Variants in ARHGAP39 observed in about 807,000 individuals in gnomAD.
The protein encoded by ARHGAP39 is rho GTPase-activating protein 39.
In ARHGAP39, 44 loss-of-function variants were observed where a neutral mutation model predicts 106.9. That is an observed-to-expected ratio of 0.41 (90% CI 0.32 to 0.53). The LOEUF is 0.53. ARHGAP39 is among the 20% of genes least tolerant of loss of function. ARHGAP39 has a pLI of 0.21. For missense variants in ARHGAP39, 1,496 were observed against 1,577.3 expected, an observed-to-expected ratio of 0.95 and a Z score of 0.87; for synonymous variants, 768 against 693.2, an observed-to-expected ratio of 1.11 and a Z score of -1.69.
intron 1 of ARHGAP39, among the ~76,000 whole-genome samples, chr8:144,612,678 C>T (rs1368243831): frequency 6.0e-5 from 4 of 67,220 alleles, no homozygotes; most frequent in Non-Finnish European, 2.9e-5. Flanking sequence ...CGCTGCACTC[C>T]AGCCAGGGCG....
intron 3 of ARHGAP39, 52 bp from the exon 4 acceptor site, chr8:144,555,695 A>G (rs1306062654): frequency 1.3e-6 from 2 of 1,497,006 alleles, no homozygotes; most frequent in Admixed American, 1.7e-5. Flanking sequence ...ATCGTTTACC[A>G]TAACCAGCCA....
intron 3 of ARHGAP39, among the ~76,000 whole-genome samples, chr8:144,580,348 G>A (rs944827890): frequency 6.6e-6 from 1 of 152,200 alleles, no homozygotes; most frequent in Non-Finnish European, 1.5e-5. Context: ...TCAGCAGAGA[G>A]AGCTGGGCGA....
chr8:144,630,847 G>A (rs1821042100), intron 1 of ARHGAP39, among the ~76,000 whole-genome samples: 1 of 152,262 alleles, frequency 6.6e-6, no homozygotes, highest in South Asian at 2.1e-4. Flanking sequence ...GTAAGTTTCT[G>A]TTGTCTATAA....
At chr8:144,675,419 A>T (rs1016843503) in intron 1 of ARHGAP39, among the ~76,000 whole-genome samples, 1 of 152,134 alleles carries the variant, frequency 6.6e-6, no homozygotes, top group Non-Finnish European at 1.5e-5. Flanking sequence ...ACAGCTCTTA[A>T]AGATGGTGTG....
rs957662857 is a variant in ARHGAP39 at position 144,644,293 on chromosome 8, CAAAAG to C, written c.-81-38603_-81-38599del. On this transcript the variant is annotated intron_variant, in intron 1 of 11. Coordinates refer to ENST00000377307, the MANE Select transcript of ARHGAP39 (RefSeq NM_025251.3). The surrounding 1 kb of genome is among the most constrained non-coding windows in gnomAD (Gnocchi z 4.8). ...ACCCTGGAGAAAGTGTTTTAAAAAA[CAAAAG>C]AAAGCAGGCAACAAAGTCAGACACA... 3.9e-5 allele frequency among the ~76,000 whole-genome samples: 6 copies of C among 152,134 alleles called. No individual in the cohort carries two copies. Among genetic ancestry groups the C allele is most frequent in the African/African-American group, 1.2e-4 (5 of 41,410 alleles).
At chr8:144,583,650 T>G (rs750442297) in intron 2 of ARHGAP39, among the ~76,000 whole-genome samples, 14 of 152,258 alleles carry the variant, frequency 9.2e-5, no homozygotes, top group Non-Finnish European at 1.6e-4. Flanking sequence ...ACCGTCACCC[T>G]TGCTGGCTGG....
chr8:144,664,723 CTTA>C (rs373043395), intron 1 of ARHGAP39, among the ~76,000 whole-genome samples: 57 of 146,678 alleles, frequency 3.9e-4, no homozygotes, highest in African/African-American at 1.5e-3. Context: ...TTGCTTCTTC[CTTA>C]TTTTTTCTTG....
intron 1 of ARHGAP39, among the ~76,000 whole-genome samples, chr8:144,640,277 C>T: frequency 6.6e-6 from 1 of 152,190 alleles, no homozygotes; most frequent in East Asian, 1.9e-4. Flanking sequence ...TCTGTGTCCC[C>T]ACCCAAATCT....
At chr8:144,635,822 G>A (rs1028466724) in intron 1 of ARHGAP39, among the ~76,000 whole-genome samples, 9 of 146,814 alleles carry the variant, frequency 6.1e-5, no homozygotes, top group Admixed American at 2.0e-4. Flanking sequence ...CTACCGCCAG[G>A]TAGACAGTGT....
At chr8:144,621,278 C>T (rs912159799) in intron 1 of ARHGAP39, among the ~76,000 whole-genome samples, 2 of 152,292 alleles carry the variant, frequency 1.3e-5, no homozygotes, top group African/African-American at 2.4e-5. Flanking sequence ...CTGATGAGGG[C>T]TCTGGGCTCT....
intron 1 of ARHGAP39, among the ~76,000 whole-genome samples, chr8:144,610,158 ACT>A (rs1820438503): frequency 2.0e-5 from 3 of 152,164 alleles, no homozygotes; most frequent in African/African-American, 4.8e-5. Context: ...AGAGCAACAG[ACT>A]CTGTAGCTAT....
At chr8:144,575,095 G>T (rs1818723831) in intron 3 of ARHGAP39, among the ~76,000 whole-genome samples, 1 of 152,162 alleles carries the variant, frequency 6.6e-6, no homozygotes, top group Non-Finnish European at 1.5e-5. Context: ...TTTAGACATA[G>T]AACAGGTACA....
intron 1 of ARHGAP39, among the ~76,000 whole-genome samples, chr8:144,631,948 C>T (rs1466397490): frequency 6.6e-6 from 1 of 152,188 alleles, no homozygotes; most frequent in Non-Finnish European, 1.5e-5. Context: ...TCTCAGCTGC[C>T]ACCTCTCAGA....
At chr8:144,632,639 C>T (rs1183941538) in intron 1 of ARHGAP39, among the ~76,000 whole-genome samples, 7 of 152,202 alleles carry the variant, frequency 4.6e-5, no homozygotes, top group Non-Finnish European at 8.8e-5. Context: ...GCAGGATTGC[C>T]ACCAACTGGC....
rs775983433 is a variant in ARHGAP39, at chr8:144,605,583, C to T, written c.32G>A (p.Ser11Asn). 34 of 1,613,738 alleles carry T rather than the reference C, an allele frequency of 2.1e-5. No homozygotes were observed. The highest frequency in any genetic ancestry group is 2.8e-5 in the Non-Finnish European group (33 of 1,180,044). ...CGACTCCGGCAGGTCGACATTATGG[C>T]TCCTGCACTCGTAGTCCTGCGTCTG... MSQTQDYECR[S>N]HNVDLPESRI... Residue 11 changes from serine (S) to asparagine (N), a missense_variant, in exon 2 of 12, where the codon AGC becomes AAC. Around this residue, in one of 4 missense-constraint regions of ARHGAP39, gnomAD observed 96 missense variants for 107.9 expected, o/e 0.89. Transcript: ENST00000377307.
chr8:144,623,047 G>A (rs1278694898), intron 1 of ARHGAP39, among the ~76,000 whole-genome samples: 2 of 152,244 alleles, frequency 1.3e-5, no homozygotes, highest in African/African-American at 4.8e-5. Flanking sequence ...CTGCATGCAG[G>A]CTGCAACGGG....
the ARHGAP39 span, among the ~76,000 whole-genome samples, chr8:144,695,852 G>A: frequency 2.6e-5 from 4 of 152,292 alleles, no homozygotes; most frequent in African/African-American, 4.8e-5. Flanking sequence ...GATATTGCTC[G>A]CCACAGTATC....
At chr8:144,640,326 C>T (rs752997770) in intron 1 of ARHGAP39, among the ~76,000 whole-genome samples, 18 of 152,126 alleles carry the variant, frequency 1.2e-4, no homozygotes, top group Non-Finnish European at 1.8e-4. Context: ...GTTGGGGGAG[C>T]GACCTGGTGG....
At chr8:144,651,343 C>T (rs1490595606) in intron 1 of ARHGAP39, among the ~76,000 whole-genome samples, 4 of 152,126 alleles carry the variant, frequency 2.6e-5, no homozygotes, top group Non-Finnish European at 5.9e-5. Context: ...AAGAAATTTA[C>T]AAATTCAATG....
Sources: gnomAD v4.1 joint callset for allele counts (sites outside exome capture counted in the v4.1 genomes callset) on GRCh38, gnomAD v4.1.1 for gene constraint, gnomAD v4.1.1 regional missense constraint, Gnocchi (gnomAD v3.1) non-coding constraint, MANE v1.5 for transcripts, NCBI Gene and HGNC (gene_info 2026-07-23, HGNC 2026-07-21) for gene names.